Variants in PPFIA2 observed in about 807,000 individuals in gnomAD.
The protein encoded by PPFIA2 is PPFI scaffold protein A2.
Under a neutral mutation model 175.5 loss-of-function variants are expected in PPFIA2, and 46 were observed. That is an observed-to-expected ratio of 0.26 (90% CI 0.21 to 0.34). PPFIA2 has a LOEUF of 0.34. Among genes scored for constraint, PPFIA2 ranks in the 10% least tolerant of loss-of-function variants. The pLI, the probability that PPFIA2 is intolerant of heterozygous loss-of-function variation, is 1.00. For synonymous variants in PPFIA2, 568 were observed against 511.4 expected (o/e 1.11, Z -1.49); for missense variants, 1,179 against 1,506.1 (o/e 0.78, Z 3.60).
chr12:81,453,465 C>T (rs1469636221), intron 5 of PPFIA2, among the ~76,000 whole-genome samples: 1 of 151,898 alleles, frequency 6.6e-6, no homozygotes, highest in Non-Finnish European at 1.5e-5. Flanking sequence ...GTTGAAATAA[C>T]ATCAGGAATA....
chr12:81,278,538 T>TA, intron 27 of PPFIA2, among the ~76,000 whole-genome samples: 1 of 9,966 alleles, frequency 1.0e-4, no homozygotes, highest in Non-Finnish European at 2.1e-4. Flanking sequence ...AGACTCCATC[T>TA]CCAAAAAAAA....
intron 3 of PPFIA2, among the ~76,000 whole-genome samples, chr12:81,719,228 G>C (rs751512471): frequency 1.3e-5 from 2 of 151,480 alleles, no homozygotes; most frequent in Admixed American, 6.6e-5. Context: ...TCAGCCCTCT[G>C]TTGTTGGTGT....
At chr12:81,311,550 G>A (rs1190353871) in intron 22 of PPFIA2, among the ~76,000 whole-genome samples, 3 of 151,840 alleles carry the variant, frequency 2.0e-5, no homozygotes, top group Admixed American at 1.3e-4. Context: ...TGACTAACAC[G>A]GTGAAACCCC....
At chr12:81,568,556 A>G (rs1422963912) in intron 4 of PPFIA2, among the ~76,000 whole-genome samples, 1 of 152,176 alleles carries the variant, frequency 6.6e-6, no homozygotes, top group Non-Finnish European at 1.5e-5. Context: ...GCAGGCCTTC[A>G]GGCACTCAAA....
rs965979612 is a variant in PPFIA2 at position 81,517,083 on chromosome 12, T to C, written c.304-59217A>G. Among the ~76,000 whole-genome samples the C allele has an allele frequency of 4.0e-5, 6 of 151,626 alleles. No homozygotes were observed. The East Asian group carries it at 5.8e-4, about 15-fold the overall frequency. On this transcript the variant is annotated intron_variant, in intron 4 of 32. Transcript: ENST00000549396. Reference sequence around the variant, plus strand: ...GACAAGTAAAATAAAATATGCAGCATTTTTCCTTAACCCCACATTGTAGCT... The same window carrying C: ...GACAAGTAAAATAAAATATGCAGCACTTTTCCTTAACCCCACATTGTAGCT...
At chr12:81,733,030 C>T (rs1020643276) in intron 3 of PPFIA2, among the ~76,000 whole-genome samples, 5 of 151,380 alleles carry the variant, frequency 3.3e-5, no homozygotes, top group Non-Finnish European at 5.9e-5. Flanking sequence ...TTCTTAGTTA[C>T]GTCTGGCCTT....
chr12:81,655,071 C>T (rs1006297233), intron 4 of PPFIA2, among the ~76,000 whole-genome samples: 6 of 151,992 alleles, frequency 3.9e-5, no homozygotes, highest in African/African-American at 1.4e-4. Flanking sequence ...TCCATTTCAT[C>T]CACAATTTTA....
intron 16 of PPFIA2, among the ~76,000 whole-genome samples, chr12:81,355,195 ATC>A (rs1301097739): frequency 6.6e-6 from 1 of 152,188 alleles, no homozygotes; most frequent in African/African-American, 2.4e-5. Context: ...CTCTTTGAGC[ATC>A]TCTGTCAGAG....
At chr12:81,748,105 C>T (rs1011059498) in intron 3 of PPFIA2, among the ~76,000 whole-genome samples, 10 of 144,412 alleles carry the variant, frequency 6.9e-5, no homozygotes, top group African/African-American at 2.2e-4. Flanking sequence ...GATCTTCTGA[C>T]TCAAGTCCAA....
At chr12:81,513,134 AC>A in intron 4 of PPFIA2, among the ~76,000 whole-genome samples, 1 of 152,272 alleles carries the variant, frequency 6.6e-6, no homozygotes, top group South Asian at 2.1e-4. Context: ...CAAATGGCCA[AC>A]AAACATGGAA....
At chr12:81,436,308 AAAAAAAAAAAAAAAAAAAAAAG>A in intron 7 of PPFIA2, among the ~76,000 whole-genome samples, 1 of 124,026 alleles carries the variant, frequency 8.1e-6, no homozygotes, top group Admixed American at 7.7e-5. Flanking sequence ...AAAAAAAAAA[AAAAAAAAAAAAAAAAAAAAAAG>A]TTAAATCTGA....
intron 22 of PPFIA2, among the ~76,000 whole-genome samples, chr12:81,321,550 T>C (rs981502101): frequency 2.0e-5 from 3 of 152,152 alleles, no homozygotes; most frequent in African/African-American, 7.2e-5. Flanking sequence ...CCTGTGCAAC[T>C]TGAAAGTCTG....
Position 81,347,782 on chromosome 12 carries a change from A to C in PPFIA2, c.1995-12T>G, listed in dbSNP as rs754866150. 1.4e-5 allele frequency: 23 copies of C among 1,612,022 alleles called. No individual in the cohort carries two copies. The highest frequency in any genetic ancestry group is 3.3e-4 in the Middle Eastern group (2 of 6,042). ...CTTCCTGAATTAGCCTGAAAGATAC[A>C]GTTTAATTATGATCCATATATAATT... On this transcript the variant is annotated splice_polypyrimidine_tract_variant and intron_variant, in intron 17 of 32. Transcript: ENST00000549396.
At chr12:81,374,844 C>A in intron 10 of PPFIA2, 76 bp from the exon 11 acceptor site, 1 of 1,356,742 alleles carries the variant, frequency 7.4e-7, no homozygotes. Flanking sequence ...AGGGGCTTTG[C>A]ACTTCAGCCA....
intron 4 of PPFIA2, among the ~76,000 whole-genome samples, chr12:81,527,985 T>C (rs1054305462): frequency 1.3e-5 from 2 of 152,152 alleles, no homozygotes; most frequent in African/African-American, 4.8e-5. Flanking sequence ...CGGTTTATGG[T>C]ATTTTGTTGT....
chr12:81,545,903 T>G (rs2153354616), intron 4 of PPFIA2: 1 of 152,192 alleles, frequency 6.6e-6, no homozygotes, highest in South Asian at 2.1e-4. Flanking sequence ...GGCAGGCGGA[T>G]CACCTTAGGT....
chr12:81,486,706 T>C (rs1180320270), intron 4 of PPFIA2, among the ~76,000 whole-genome samples: 2 of 151,876 alleles, frequency 1.3e-5, no homozygotes, highest in Non-Finnish European at 2.9e-5. Flanking sequence ...CAGTAGGACA[T>C]CAGCCACACA....
chr12:81,751,805 T>C (rs2153664703), intron 3 of PPFIA2, among the ~76,000 whole-genome samples: 1 of 152,314 alleles, frequency 6.6e-6, no homozygotes, highest in South Asian at 2.1e-4. Flanking sequence ...CAAAGAGATT[T>C]ACCTCCACAA....
chr12:81,515,398 G>A (rs952491088), intron 4 of PPFIA2, among the ~76,000 whole-genome samples: 6 of 151,760 alleles, frequency 4.0e-5, no homozygotes, highest in African/African-American at 1.5e-4. Flanking sequence ...AAATCTAAAA[G>A]CATATTATTT....
Sources: allele counts gnomAD v4.1 joint callset (sites outside exome capture counted in the v4.1 genomes callset), GRCh38; gene constraint gnomAD v4.1.1; transcripts MANE v1.5; gene names NCBI Gene and HGNC (gene_info 2026-07-23, HGNC 2026-07-21).